The following ERBB4 variants were observed in gnomAD, a reference collection of about 807,000 sequenced individuals.
ERBB4 encodes the protein erb-b2 receptor tyrosine kinase 4.
In ERBB4, 42 loss-of-function variants were observed where a neutral mutation model predicts 158.0. That is an observed-to-expected ratio of 0.27 (90% confidence interval 0.21 to 0.34). The LOEUF is 0.34. ERBB4 is among the 10% of genes least tolerant of loss of function. ERBB4 has a pLI of 1.00. For missense variants in ERBB4, 1,333 were observed against 1,624.1 expected (o/e 0.82, Z 3.08); for synonymous variants, 583 against 558.7 (o/e 1.04, Z -0.61).
chr2:211,926,253 A>G (rs1240815301), intron 3 of ERBB4, among the ~76,000 whole-genome samples: 2 of 152,136 alleles, frequency 1.3e-5, no homozygotes, highest in Non-Finnish European at 2.9e-5. Flanking sequence ...GGAAGAAGAG[A>G]AAACAGATAC....
chr2:212,499,553 G>A (rs564432102), intron 1 of ERBB4, among the ~76,000 whole-genome samples: 1 of 152,230 alleles, frequency 6.6e-6, no homozygotes, highest in African/African-American at 2.4e-5. Flanking sequence ...TTAGCTGTGA[G>A]CCTGTGGGAA....
At position 211,673,517 on chromosome 2, in the gene ERBB4, C is replaced by CAAAAAAAAAA. The variant is rs71054125; in HGVS notation, c.1623-270_1623-261dup. Among the ~76,000 whole-genome samples the CAAAAAAAAAA allele has an allele frequency of 7.0e-4, 38 of 54,088 alleles. 3 individuals are homozygous for CAAAAAAAAAA. The highest frequency in any genetic ancestry group is 1.1e-3 in the Non-Finnish European group (28 of 24,428). 35.5% of individuals were successfully genotyped at this position (54,088 alleles called of 152,430 possible). ...CCTGCAAGACATATTCCAGCAATCT[C>CAAAAAAAAAA]AAAAAAAAAAAAAGCTACAAAGTAT... On this transcript the variant is annotated intron_variant, in intron 13 of 27. Coordinates refer to ENST00000342788, the MANE Select transcript of ERBB4 (RefSeq NM_005235.3).
intron 2 of ERBB4, among the ~76,000 whole-genome samples, chr2:212,124,344 C>T (rs1015796154): frequency 4.6e-5 from 7 of 151,790 alleles, no homozygotes; most frequent in South Asian, 2.1e-4. Context: ...GTGTTAGTCT[C>T]CTTATGTGAT....
At chr2:211,923,153 AT>A (rs2079916783) in intron 3 of ERBB4, among the ~76,000 whole-genome samples, 1 of 152,170 alleles carries the variant, frequency 6.6e-6, no homozygotes, top group Non-Finnish European at 1.5e-5. Context: ...TTGGCACAAT[AT>A]TTATAGGTCT....
intron 1 of ERBB4, among the ~76,000 whole-genome samples, chr2:212,465,604 G>A (rs1391817942): frequency 7.9e-5 from 12 of 152,130 alleles, no homozygotes; most frequent in African/African-American, 2.7e-4. Flanking sequence ...AAAGCAAAGC[G>A]TTTATAGTCT....
intron 4 of ERBB4, among the ~76,000 whole-genome samples, chr2:211,764,034 G>T (rs775606380): frequency 6.6e-6 from 1 of 152,130 alleles, no homozygotes; most frequent in Non-Finnish European, 1.5e-5. Flanking sequence ...GTTGATGGAG[G>T]TTATAAGAAA....
chr2:211,377,867 T>G lies in ERBB4; in HGVS notation c.*5748A>C, dbSNP rs1023266670. 4 of 232,770 alleles carry G rather than the reference T, an allele frequency of 1.7e-5. No homozygotes were observed. Among genetic ancestry groups the G allele is most frequent in the African/African-American group, 8.8e-5 (4 of 45,288 alleles). 14.4% of individuals were successfully genotyped at this position (232,770 alleles called of 1,614,324 possible). ...TCCTATAGGGAAGGACACAGAGAAT[T>G]GATCTTCATGGGAAACCATAATTTT... On this transcript the variant is annotated 3_prime_UTR_variant, in exon 28 of 28. Coordinates refer to ENST00000342788, the MANE Select transcript of ERBB4 (RefSeq NM_005235.3).
At chr2:211,456,412 T>C (rs766814084) in intron 20 of ERBB4, among the ~76,000 whole-genome samples, 25 of 152,154 alleles carry the variant, frequency 1.6e-4, no homozygotes, top group Non-Finnish European at 3.4e-4. Flanking sequence ...CAATGAATAA[T>C]TGCAAATTTT....
chr2:211,907,782 C>A (rs780096962), intron 3 of ERBB4, among the ~76,000 whole-genome samples: 2 of 151,646 alleles, frequency 1.3e-5, no homozygotes, highest in Non-Finnish European at 2.9e-5. Flanking sequence ...CAAAACCCCA[C>A]AACTCTCCAT....
At chr2:212,489,209 T>A (rs1484911734) in intron 1 of ERBB4, among the ~76,000 whole-genome samples, 1 of 151,856 alleles carries the variant, frequency 6.6e-6, no homozygotes, top group African/African-American at 2.4e-5. Flanking sequence ...CTGACGCCCA[T>A]GAAGATATTT....
At chr2:212,516,123 T>C (rs1328900670) in intron 1 of ERBB4, among the ~76,000 whole-genome samples, 8 of 151,930 alleles carry the variant, frequency 5.3e-5, no homozygotes, top group Non-Finnish European at 1.2e-4. Context: ...TAAGTAGTAC[T>C]ATAGACACAC....
chr2:211,716,548 C>T (rs1176057424), intron 7 of ERBB4, among the ~76,000 whole-genome samples: 5 of 144,296 alleles, frequency 3.5e-5, no homozygotes, highest in South Asian at 2.2e-4. Context: ...TGGTGGCGGG[C>T]GCCTGTAGTC....
intron 2 of ERBB4, among the ~76,000 whole-genome samples, chr2:212,032,750 A>T (rs1017813526): frequency 6.6e-6 from 1 of 151,998 alleles, no homozygotes; most frequent in Non-Finnish European, 1.5e-5. Context: ...ACAGACTTCC[A>T]TATGGACATG....
chr2:212,196,259 ATGT>A (rs2082422462), intron 1 of ERBB4, among the ~76,000 whole-genome samples: 1 of 152,170 alleles, frequency 6.6e-6, no homozygotes, highest in South Asian at 2.1e-4. Context: ...AGAAAAGAAA[ATGT>A]TATTAAGAAA....
chr2:212,384,065 G>T (rs1250428358), intron 1 of ERBB4, among the ~76,000 whole-genome samples: 1 of 151,640 alleles, frequency 6.6e-6, no homozygotes, highest in East Asian at 1.9e-4. Context: ...TAGAATAAAG[G>T]TGTCCTAAAG....
intron 2 of ERBB4, among the ~76,000 whole-genome samples, chr2:212,006,573 C>T (rs1156998361): frequency 6.6e-6 from 1 of 151,816 alleles, no homozygotes; most frequent in Non-Finnish European, 1.5e-5. Context: ...AAAATGGCAT[C>T]GAGTATAGCC....
chr2:212,448,791 T>C (rs2092402512), intron 1 of ERBB4, among the ~76,000 whole-genome samples: 1 of 152,174 alleles, frequency 6.6e-6, no homozygotes, highest in Non-Finnish European at 1.5e-5. Context: ...TTGTAATATA[T>C]GCTACTTTGT....
intron 2 of ERBB4, among the ~76,000 whole-genome samples, chr2:212,063,483 A>G (rs1036626633): frequency 6.6e-6 from 1 of 152,142 alleles, no homozygotes; most frequent in Admixed American, 6.6e-5. Flanking sequence ...AAGGCAAATA[A>G]ATTTCAGATG....
chr2:211,695,287 T>C (rs919089031), intron 12 of ERBB4, among the ~76,000 whole-genome samples: 1 of 152,150 alleles, frequency 6.6e-6, no homozygotes, highest in Non-Finnish European at 1.5e-5. Context: ...TGAAATTACC[T>C]TTTTCTAGAT....
Sources: gnomAD v4.1 joint callset for allele counts (sites outside exome capture counted in the v4.1 genomes callset) on GRCh38, gnomAD v4.1.1 for gene constraint, MANE v1.5 for transcripts, NCBI Gene and HGNC (gene_info 2026-07-23, HGNC 2026-07-21) for gene names.